Variants in ATR observed in about 807,000 individuals in gnomAD.
ATR encodes ATR checkpoint kinase, also known as serine/threonine-protein kinase ATR.
Under a neutral mutation model 305.3 loss-of-function variants are expected in ATR, and 142 were observed. The ratio of observed to expected loss-of-function variants is 0.47; its 90% CI spans 0.41 to 0.53. ATR has a LOEUF of 0.53. ATR is among the 20% of genes least tolerant of loss of function. The pLI, the probability that ATR is intolerant of heterozygous loss-of-function variation, is 0.00. For missense variants in ATR, 2,135 were observed against 3,133.1 expected (o/e 0.68, Z 7.60); for synonymous variants, 1,050 against 1,068.1 (o/e 0.98, Z 0.33).
At chr3:142,502,538 G>T (rs1386784028) in intron 30 of ATR, among the ~76,000 whole-genome samples, 1 of 152,048 alleles carries the variant, frequency 6.6e-6, no homozygotes, top group Non-Finnish European at 1.5e-5. Context: ...TGGGTGATGG[G>T]TTCAATTGTA....
chr3:142,477,103 T>C lies in ATR; in HGVS notation c.6222-6920A>G, dbSNP rs1038051130. The stretch of plus-strand genomic sequence containing the variant: ...CCCTTTATTTCTTTCTCCTGCCTGA[T>C]TGCCCTGGCCAGAACTTCCAACACT... On this transcript the variant is annotated intron_variant, in intron 36 of 46. Transcript: ENST00000350721. Among the ~76,000 whole-genome samples, 6 of 152,316 alleles carry C rather than the reference T, an allele frequency of 3.9e-5. No individual in the cohort carries two copies. The South Asian group carries it at 1.0e-3, about 26-fold the overall frequency.
intron 1 of ATR, among the ~76,000 whole-genome samples, chr3:142,569,998 G>T (rs2035211736): frequency 6.6e-6 from 1 of 152,022 alleles, no homozygotes; most frequent in African/African-American, 2.4e-5. Context: ...AGTATCCTGT[G>T]GTTTTGATTT....
chr3:142,499,572 G>T (rs982928556), intron 31 of ATR, 55 bp downstream of exon 31: 4 of 1,530,184 alleles, frequency 2.6e-6, no homozygotes, highest in Non-Finnish European at 2.7e-6. Context: ...GGGATTACAG[G>T]CGTGAGCCAC....
chr3:142,486,826 T>C (rs1577552574), intron 35 of ATR, among the ~76,000 whole-genome samples: 2 of 151,816 alleles, frequency 1.3e-5, no homozygotes, highest in East Asian at 3.9e-4. Flanking sequence ...ATAATAATTA[T>C]TATTATTGGC....
At chr3:142,466,593 A>AT in intron 39 of ATR, 60 bp from the exon 40 acceptor site, 1 of 1,470,254 alleles carries the variant, frequency 6.8e-7, no homozygotes, top group South Asian at 1.2e-5. Context: ...TATAACAAAA[A>AT]TTTCACTTTT....
chr3:142,488,227 C>A (rs1239305524), intron 35 of ATR, among the ~76,000 whole-genome samples: 1 of 152,204 alleles, frequency 6.6e-6, no homozygotes, highest in East Asian at 1.9e-4. Context: ...TCCTTTCCTA[C>A]AAATTTAGCT....
rs545994906 is a variant in ATR at position 142,558,543 on chromosome 3, T to C, written c.1885+81A>G. ...TCTCAAAAATAAATAAATAAATAAA[T>C]AAATAAATAAATAAATAGATAGATA... On this transcript the variant is annotated intron_variant, in intron 8 of 46. Coordinates refer to ENST00000350721, the MANE Select transcript of ATR (RefSeq NM_001184.4). 1.2e-5 allele frequency: 12 copies of C among 1,025,952 alleles called. No homozygotes were observed. In the East Asian group the frequency reaches 5.0e-4, roughly 43 times the overall value. 63.6% of individuals were successfully genotyped at this position (1,025,952 alleles called of 1,614,324 possible).
At chr3:142,528,854 CATATATAT>C (rs1191100552) in intron 21 of ATR, among the ~76,000 whole-genome samples, 4 of 65,716 alleles carry the variant, frequency 6.1e-5, no homozygotes, top group East Asian at 4.2e-4. Flanking sequence ...CTGGAATTAT[CATATATAT>C]ATATATATAT....
At chr3:142,468,154 A>G in intron 38 of ATR, 86 bp from the exon 39 acceptor site, 1 of 1,479,408 alleles carries the variant, frequency 6.8e-7, no homozygotes, top group Admixed American at 1.8e-5. Flanking sequence ...AAAAAACTTA[A>G]AAAGTATTCA....
chr3:142,568,485 T>G (rs1392507170), intron 1 of ATR, among the ~76,000 whole-genome samples: 2 of 152,184 alleles, frequency 1.3e-5, no homozygotes, highest in African/African-American at 2.4e-5. Context: ...GGCAGCCCAG[T>G]TGGAGCGGTG....
intron 19 of ATR, 26 bp downstream of exon 19, chr3:142,538,456 T>C: frequency 6.3e-7 from 1 of 1,598,748 alleles, no homozygotes; most frequent in Non-Finnish European, 8.6e-7. Context: ...AAGTTATTAT[T>C]TTACTATTAA....
At chr3:142,524,586 T>C (rs368313380) in intron 21 of ATR, among the ~76,000 whole-genome samples, 1 of 151,746 alleles carries the variant, frequency 6.6e-6, no homozygotes, top group Non-Finnish European at 1.5e-5. Flanking sequence ...AAAGAAGCAA[T>C]GAATAAGAAA....
chr3:142,468,003 T>G lies in ATR; in HGVS notation c.6618A>C (p.Lys2206Asn). 6.2e-7 allele frequency: 1 copy of G among 1,613,066 alleles called. No individual in the cohort carries two copies. Among genetic ancestry groups the G allele is most frequent in the Non-Finnish European group, 8.5e-7 (1 of 1,179,470 alleles). Residue 2206 changes from lysine (K) to asparagine (N), a missense_variant, in exon 39 of 47, where the codon AAA becomes AAC. Around this residue, in one of 9 missense-constraint regions of ATR, gnomAD observed 462 missense variants for 887.6 expected, o/e 0.52. Transcript: ENST00000350721. ...CATCTCCAACAAACTTCTCTAAGGA[T>G]TTTTTCATATGAATAGCTTTATTGA... ...EILNKAIHMKKSLEKFVGDAT... is the reference protein window; with the variant it reads ...EILNKAIHMKNSLEKFVGDAT...
In ATR at chr3:142,505,336, A is replaced by C. The variant is rs772457186; in HGVS notation, c.5032-33T>G. On this transcript the variant is annotated intron_variant, in intron 28 of 46. Coordinates refer to ENST00000350721, the MANE Select transcript of ATR (RefSeq NM_001184.4). ...CAATGATTAAAAAACAATCAAAAACAAGAAAAAAACACAACTGGAAATAAA... is the reference window on the plus strand; with the variant it reads ...CAATGATTAAAAAACAATCAAAAACCAGAAAAAAACACAACTGGAAATAAA... 5 of 1,608,892 alleles carry C rather than the reference A, an allele frequency of 3.1e-6. No individual in the cohort carries two copies. In the African/African-American group the frequency reaches 6.7e-5, roughly 21 times the overall value.
At chr3:142,477,636 T>A (rs946469808) in intron 36 of ATR, among the ~76,000 whole-genome samples, 4 of 152,260 alleles carry the variant, frequency 2.6e-5, no homozygotes, top group Non-Finnish European at 1.5e-5. Context: ...TCCCTCTTTC[T>A]CTATTGATTG....
intron 1 of ATR, among the ~76,000 whole-genome samples, chr3:142,577,420 A>G (rs2035475666): frequency 6.6e-6 from 1 of 152,220 alleles, no homozygotes; most frequent in South Asian, 2.1e-4. Context: ...ACTTCCTACA[A>G]TGATCACTTT....
chr3:142,527,314 T>G (rs536794643), intron 21 of ATR, among the ~76,000 whole-genome samples: 27 of 152,266 alleles, frequency 1.8e-4, no homozygotes, highest in African/African-American at 6.3e-4. Context: ...TTTGTGAAAA[T>G]TTGATTTAAA....
intron 17 of ATR, 77 bp from the exon 18 acceptor site, chr3:142,541,111 C>T (rs2034034596): frequency 3.3e-6 from 5 of 1,533,850 alleles, no homozygotes; most frequent in Non-Finnish European, 4.5e-6. Context: ...AGGACAAGTG[C>T]TTCCCACCCA....
intron 21 of ATR, among the ~76,000 whole-genome samples, chr3:142,534,332 A>T (rs1031127278): frequency 7.9e-5 from 12 of 152,088 alleles, no homozygotes; most frequent in Non-Finnish European, 1.8e-4. Context: ...TGCTACCCAC[A>T]TTGGTTATAC....
Sources: allele counts gnomAD v4.1 joint callset (sites outside exome capture counted in the v4.1 genomes callset), GRCh38; gene constraint gnomAD v4.1.1; regional missense constraint gnomAD v4.1.1; transcripts MANE v1.5; gene names NCBI Gene and HGNC (gene_info 2026-07-23, HGNC 2026-07-21).